Variants in SLC4A4 observed in about 807,000 individuals in gnomAD.
The protein encoded by SLC4A4 is solute carrier family 4 member 4.
In SLC4A4, 27 loss-of-function variants were observed where a neutral mutation model predicts 111.5. The ratio of observed to expected loss-of-function variants is 0.24; its 90% confidence interval spans 0.18 to 0.33. The LOEUF (loss-of-function observed/expected upper bound fraction) is 0.33. SLC4A4 is among the 10% of genes least tolerant of loss of function. The probability of loss-of-function intolerance (pLI) is 1.00; values close to 1 mark genes in which losing one functional copy is unlikely to be tolerated. For missense variants in SLC4A4, 909 were observed against 1,315.5 expected (o/e 0.69, Z 4.78); for synonymous variants, 443 against 463.4 (o/e 0.96, Z 0.57).
chr4:71,409,321 G>C (rs977790343), intron 7 of SLC4A4, among the ~76,000 whole-genome samples: 1 of 152,202 alleles, frequency 6.6e-6, no homozygotes, highest in Non-Finnish European at 1.5e-5. Flanking sequence ...CTAGAGACTT[G>C]TTGAATGGCA....
intron 1 of SLC4A4, among the ~76,000 whole-genome samples, chr4:71,230,978 T>C (rs1266087205): frequency 6.6e-6 from 1 of 152,218 alleles, no homozygotes; most frequent in Non-Finnish European, 1.5e-5. Flanking sequence ...ACTGCATCCT[T>C]TGGCAAAAGC....
intron 2 of SLC4A4, among the ~76,000 whole-genome samples, chr4:71,133,637 C>T (rs1743767820): frequency 6.6e-6 from 1 of 152,198 alleles, no homozygotes; most frequent in Non-Finnish European, 1.5e-5. Flanking sequence ...GGAACTAGCA[C>T]AGCATCACTT....
At chr4:71,149,280 T>TA (rs1301467850) in intron 2 of SLC4A4, among the ~76,000 whole-genome samples, 1 of 151,982 alleles carries the variant, frequency 6.6e-6, no homozygotes, top group East Asian at 1.9e-4. Flanking sequence ...GGTTTAAAAG[T>TA]AAAGGCCCCA....
chr4:71,350,501 C>T (rs927724995), intron 5 of SLC4A4, among the ~76,000 whole-genome samples: 2 of 152,076 alleles, frequency 1.3e-5, no homozygotes, highest in Admixed American at 1.3e-4. Flanking sequence ...CTTCAGCCTC[C>T]CGAGTAGCTG....
chr4:71,510,249 G>A (rs1490643594), intron 16 of SLC4A4, among the ~76,000 whole-genome samples: 1 of 152,188 alleles, frequency 6.6e-6, no homozygotes, highest in Admixed American at 6.5e-5. Context: ...GTGTGACGAA[G>A]CAGAAGGATG....
At chr4:71,426,002 G>A (rs892691198) in intron 7 of SLC4A4, among the ~76,000 whole-genome samples, 10 of 152,042 alleles carry the variant, frequency 6.6e-5, no homozygotes, top group Admixed American at 4.6e-4. Context: ...AGATAGCTTT[G>A]TAGGGCCATT....
intron 3 of SLC4A4, among the ~76,000 whole-genome samples, chr4:71,295,637 C>T (rs1006400862): frequency 2.7e-5 from 4 of 150,430 alleles, no homozygotes; most frequent in African/African-American, 4.9e-5. Flanking sequence ...TTCCTTTCCT[C>T]TCCTCTCCTC....
intron 2 of SLC4A4, among the ~76,000 whole-genome samples, chr4:71,156,491 A>G (rs1438000532): frequency 6.6e-6 from 1 of 152,182 alleles, no homozygotes; most frequent in Non-Finnish European, 1.5e-5. Flanking sequence ...TGACTCTGAT[A>G]CAATTAAACT....
At position 71,107,330 on chromosome 4, in the gene SLC4A4, G is replaced by T. The variant is rs373015946; in HGVS notation, c.-2+14538G>T. ...ATTTCCGGCATTACTGTCTTCTTCT[G>T]TGTTTAGTTGACTTTTTGTTTTTGG... On this transcript the variant is annotated intron_variant, in intron 2 of 26. Coordinates refer to the SLC4A4 transcript ENST00000649996. Among the ~76,000 whole-genome samples, 54 of 151,982 alleles carry T rather than the reference G, an allele frequency of 3.6e-4. No individual in the cohort carries two copies. The South Asian group carries it at 0.011, about 31-fold the overall frequency.
At chr4:71,495,757 T>C (rs1401546985) in intron 15 of SLC4A4, among the ~76,000 whole-genome samples, 1 of 152,138 alleles carries the variant, frequency 6.6e-6, no homozygotes, top group Non-Finnish European at 1.5e-5. Flanking sequence ...GAGAAATTTA[T>C]CTTTCCACAT....
intron 7 of SLC4A4, among the ~76,000 whole-genome samples, chr4:71,429,279 C>T (rs1723433639): frequency 6.6e-6 from 1 of 152,070 alleles, no homozygotes; most frequent in Non-Finnish European, 1.5e-5. Flanking sequence ...TTAAAAATAG[C>T]TATGTGTGAT....
At chr4:71,081,308 C>G (rs1335432835) in intron 1 of SLC4A4, among the ~76,000 whole-genome samples, 2 of 152,076 alleles carry the variant, frequency 1.3e-5, no homozygotes, top group African/African-American at 4.8e-5. Context: ...TCATGCAGAG[C>G]CTGGGCTTAG....
chr4:71,304,628 TG>T, intron 3 of SLC4A4, among the ~76,000 whole-genome samples: 1 of 152,310 alleles, frequency 6.6e-6, no homozygotes, highest in Admixed American at 6.5e-5. Flanking sequence ...TAAAATTAAT[TG>T]TCACATAATT....
intron 2 of SLC4A4, among the ~76,000 whole-genome samples, chr4:71,117,843 A>G (rs868825466): frequency 5.3e-5 from 8 of 150,948 alleles, no homozygotes; most frequent in African/African-American, 1.9e-4. Context: ...TGCAAAATCC[A>G]TAAGTTTATT....
intron 6 of SLC4A4, among the ~76,000 whole-genome samples, chr4:71,367,133 G>C (rs906795587): frequency 6.6e-6 from 1 of 152,150 alleles, no homozygotes; most frequent in African/African-American, 2.4e-5. Context: ...TCCAGCTTTA[G>C]TTCCCAACAA....
At chr4:71,485,466 T>C (rs1729286748) in intron 14 of SLC4A4, among the ~76,000 whole-genome samples, 1 of 151,750 alleles carries the variant, frequency 6.6e-6, no homozygotes, top group Admixed American at 6.6e-5. Flanking sequence ...GAACCAACCT[T>C]GCATACCAGG....
In SLC4A4 at chr4:71,137,449, CATTA is replaced by C. The variant is rs1743875690; in HGVS notation, c.-2+44665_-2+44668del. 3.9e-5 allele frequency among the ~76,000 whole-genome samples: 6 copies of C among 152,332 alleles called. No homozygotes were observed. The South Asian group carries it at 1.2e-3, about 32-fold the overall frequency. ...GCCTGAAGTGACTTTTCCATCCATT[CATTA>C]ATTAATTCATTAAATAATATTTAGT... On this transcript the variant is annotated intron_variant, in intron 2 of 26. Transcript: ENST00000649996.
chr4:71,255,362 T>C lies in SLC4A4; in HGVS notation c.216T>C (p.Asn72=), dbSNP rs1022639313. ...ENYSDKSDIE[N]ADESSSSILK... ...ACTCTGACAAATCAGATATTGAAAA[T>C]GCTGATGAATCCAGCAGCAGCATCC... The change falls in exon 3 of 26, where the codon AAT becomes AAC. Residue 72 remains asparagine, a synonymous_variant. Coordinates refer to ENST00000264485, the MANE Select transcript of SLC4A4 (RefSeq NM_001098484.3). 1.2e-6 allele frequency: 2 copies of C among 1,613,442 alleles called. No individual in the cohort carries two copies. Among genetic ancestry groups the C allele is most frequent in the African/African-American group, 2.7e-5 (2 of 74,868 alleles).
intron 1 of SLC4A4, among the ~76,000 whole-genome samples, chr4:71,227,959 G>T (rs183719493): frequency 1.1e-3 from 161 of 152,260 alleles, no homozygotes; most frequent in South Asian, 1.2e-3. Context: ...ATGGAACTCT[G>T]GTCAGAAGCA....
Sources: gnomAD v4.1 joint callset for allele counts (sites outside exome capture counted in the v4.1 genomes callset) on GRCh38, gnomAD v4.1.1 for gene constraint, MANE v1.5 for transcripts, NCBI Gene and HGNC (gene_info 2026-07-23, HGNC 2026-07-21) for gene names.